MEI4: variants seen among roughly 807,000 people sequenced by gnomAD.
The protein encoded by MEI4 is meiotic double-stranded break formation protein 4, also known as meiosis-specific protein MEI4.
A neutral mutation model predicts 31.4 loss-of-function variants in MEI4; 27 were observed. The ratio of observed to expected loss-of-function variants is 0.86; its 90% CI spans 0.63 to 1.19. The LOEUF is 1.19. Among genes scored for constraint, MEI4 ranks in the 50% most tolerant of loss-of-function variants. The pLI, the probability that MEI4 is intolerant of heterozygous loss-of-function variation, is 0.00. For missense variants in MEI4, 329 were observed against 398.9 expected, an observed-to-expected ratio of 0.82 and a Z score of 1.49; for synonymous variants, 122 against 145.4, an observed-to-expected ratio of 0.84 and a Z score of 1.16.
At chr6:77,734,282 CAG>C (rs1192125177) in intron 2 of MEI4, among the ~76,000 whole-genome samples, 1 of 151,450 alleles carries the variant, frequency 6.6e-6, no homozygotes, top group Admixed American at 6.6e-5. Flanking sequence ...GTAGGTCACT[CAG>C]GGCTTGCTTT....
intron 4 of MEI4, among the ~76,000 whole-genome samples, chr6:77,858,619 C>T (rs940642041): frequency 2.0e-5 from 3 of 151,850 alleles, no homozygotes; most frequent in African/African-American, 7.3e-5. Flanking sequence ...TTTAAGGTGG[C>T]CTTTCAAGGA....
rs1327762422 is a variant in MEI4 at position 77,924,271 on chromosome 6, C to CT, written c.*925_*926insT. 6.6e-6 allele frequency: 1 copy of CT among 151,784 alleles called. No individual in the cohort carries two copies. The highest frequency in any genetic ancestry group is 1.5e-5 in the Non-Finnish European group (1 of 67,862). The allele number at this position is 151,784 out of a possible 1,614,324, so 9.4% of individuals were successfully genotyped here. A position where few individuals can be genotyped will look rare whatever the true frequency, so the allele number is the denominator to read the frequency against. On this transcript the variant is annotated 3_prime_UTR_variant, in exon 5 of 5. Transcript: ENST00000684080. The stretch of plus-strand genomic sequence containing the variant: ...TTATTAATGATATGTGATGGTGTTT[C>CT]ATAAGTTAATTAGCATTCCTAAATG...
chr6:77,841,340 T>A lies in MEI4; in HGVS notation c.900+12278T>A, dbSNP rs1369569913. Among the ~76,000 whole-genome samples the A allele has an allele frequency of 2.7e-3, 288 of 108,556 alleles. 1 individual carries two copies. The highest frequency in any genetic ancestry group is 0.013 in the Middle Eastern group (3 of 238). 71.2% of individuals were successfully genotyped at this position (108,556 alleles called of 152,430 possible). ...ATATATATATATATATATATTTTTT[T>A]TTTTTTTTTTTTTTTTGAGATGGAG... On this transcript the variant is annotated intron_variant, in intron 4 of 4. Transcript: ENST00000684080.
intron 2 of MEI4, among the ~76,000 whole-genome samples, chr6:77,759,139 G>C (rs749986167): frequency 9.9e-5 from 15 of 152,066 alleles, no homozygotes; most frequent in Non-Finnish European, 1.8e-4. Context: ...TGTTTTGGTG[G>C]ATTTTTTTGC....
At chr6:77,789,914 C>G (rs953040684) in intron 3 of MEI4, among the ~76,000 whole-genome samples, 6 of 152,044 alleles carry the variant, frequency 3.9e-5, no homozygotes, top group Non-Finnish European at 5.9e-5. Context: ...GATATATACC[C>G]AAAGGACTAT....
At chr6:77,878,424 T>C (rs937256854) in intron 4 of MEI4, among the ~76,000 whole-genome samples, 1 of 152,058 alleles carries the variant, frequency 6.6e-6, no homozygotes, top group African/African-American at 2.4e-5. Context: ...TTTTTACGTC[T>C]TCAGAAAAAA....
intron 1 of MEI4, among the ~76,000 whole-genome samples, chr6:77,654,382 C>A (rs1768350112): frequency 6.6e-6 from 1 of 151,712 alleles, no homozygotes; most frequent in Non-Finnish European, 1.5e-5. Context: ...TGGAAAATTA[C>A]CTAAGTTAGG....
chr6:77,794,206 T>G (rs1469292170), intron 3 of MEI4, among the ~76,000 whole-genome samples: 1 of 152,050 alleles, frequency 6.6e-6, no homozygotes, highest in African/African-American at 2.4e-5. Context: ...GACACAAAAA[T>G]TCACTGTATA....
In MEI4 at chr6:77,923,483, T is replaced by TAATGGTTAGTCTTA; in HGVS notation, c.*141_*154dup. 1.4e-6 allele frequency: 1 copy of TAATGGTTAGTCTTA among 725,286 alleles called. No individual in the cohort carries two copies. The highest frequency in any genetic ancestry group is 1.9e-6 in the Non-Finnish European group (1 of 528,948). The allele number at this position is 725,286 out of a possible 1,614,324, so 44.9% of individuals were successfully genotyped here. ...TCTAAATATAATTATCAATTCAACT[T>TAATGGTTAGTCTTA]AATGGTTAGTCTTAAATTGTATGAA... On this transcript the variant is annotated 3_prime_UTR_variant, in exon 5 of 5. Transcript: ENST00000684080.
intron 2 of MEI4, among the ~76,000 whole-genome samples, chr6:77,693,705 T>C (rs987191895): frequency 2.0e-5 from 3 of 151,888 alleles, no homozygotes; most frequent in Admixed American, 1.3e-4. Flanking sequence ...AGAAAAAATA[T>C]ACAAAAGGGG....
At chr6:77,808,646 T>A (rs979881387) in intron 3 of MEI4, among the ~76,000 whole-genome samples, 10 of 151,956 alleles carry the variant, frequency 6.6e-5, no homozygotes, top group African/African-American at 2.4e-4. Context: ...TCAGAGAGAG[T>A]TTCATCACTA....
chr6:77,681,103 G>T (rs926260967), intron 1 of MEI4, among the ~76,000 whole-genome samples: 1 of 152,102 alleles, frequency 6.6e-6, no homozygotes, highest in Non-Finnish European at 1.5e-5. Context: ...TTGCCTTGAA[G>T]CTGAGGCCCT....
intron 4 of MEI4, among the ~76,000 whole-genome samples, chr6:77,835,279 G>A (rs1298152184): frequency 6.6e-6 from 1 of 150,582 alleles, no homozygotes; most frequent in Admixed American, 6.6e-5. Context: ...AGAATCACTT[G>A]AACCCAGGTG....
chr6:77,833,822 T>G (rs1057077886), intron 4 of MEI4, among the ~76,000 whole-genome samples: 1 of 152,100 alleles, frequency 6.6e-6, no homozygotes, highest in Admixed American at 6.6e-5. Flanking sequence ...TGTATGATGT[T>G]CCCCTCCCTG....
chr6:77,807,735 T>A (rs767215943), intron 3 of MEI4, among the ~76,000 whole-genome samples: 2 of 152,136 alleles, frequency 1.3e-5, no homozygotes, highest in Non-Finnish European at 2.9e-5. Context: ...AAAATGCACA[T>A]GCCTGGGACT....
intron 1 of MEI4, among the ~76,000 whole-genome samples, chr6:77,675,885 T>C (rs1247880087): frequency 6.6e-6 from 1 of 152,216 alleles, no homozygotes; most frequent in Non-Finnish European, 1.5e-5. Context: ...CGAGTGTCCC[T>C]GAGGTGTTTC....
At chr6:77,821,662 G>T (rs1217926808) in intron 3 of MEI4, among the ~76,000 whole-genome samples, 1 of 151,954 alleles carries the variant, frequency 6.6e-6, no homozygotes, top group African/African-American at 2.4e-5. Flanking sequence ...AGGCATGGTG[G>T]CACATGCCTG....
At chr6:77,830,302 G>A (rs1315549319) in intron 4 of MEI4, among the ~76,000 whole-genome samples, 3 of 152,072 alleles carry the variant, frequency 2.0e-5, no homozygotes, top group African/African-American at 7.2e-5. Context: ...AGGAAGCAAT[G>A]TGGAAAGTGA....
chr6:77,842,014 C>T (rs1770377766), intron 4 of MEI4, among the ~76,000 whole-genome samples: 1 of 152,022 alleles, frequency 6.6e-6, no homozygotes, highest in African/African-American at 2.4e-5. Flanking sequence ...ACTCCTCTCT[C>T]AGTAATAATA....
Sources: gnomAD v4.1 joint callset for allele counts (sites outside exome capture counted in the v4.1 genomes callset) on GRCh38, gnomAD v4.1.1 for gene constraint, MANE v1.5 for transcripts, NCBI Gene and HGNC (gene_info 2026-07-23, HGNC 2026-07-21) for gene names.